The following AFF4 variants were observed in gnomAD, a reference collection of about 807,000 sequenced individuals.
AFF4 encodes AF4/FMR2 family member 4.
Under a neutral mutation model 124.8 loss-of-function variants are expected in AFF4, and 13 were observed. The observed-to-expected ratio is 0.10, with a 90% confidence interval of 0.07 to 0.17. The LOEUF (loss-of-function observed/expected upper bound fraction) is 0.17, where lower values mean the gene tolerates loss of function less well. AFF4 is among the 10% of genes least tolerant of loss of function. The pLI is 1.00. For missense variants in AFF4, 1,092 were observed against 1,403.8 expected (o/e 0.78, Z 3.55); for synonymous variants, 477 against 496.1 (o/e 0.96, Z 0.51).
At chr5:132,930,959 T>TAAAC (rs1761285186) in intron 4 of AFF4, among the ~76,000 whole-genome samples, 9 of 136,648 alleles carry the variant, frequency 6.6e-5, no homozygotes, top group Non-Finnish European at 7.8e-5. Context: ...AAAAAAAAAT[T>TAAAC]AGCCAGGCAT....
At chr5:132,960,194 G>A (rs1762052383) in intron 1 of AFF4, among the ~76,000 whole-genome samples, 1 of 152,136 alleles carries the variant, frequency 6.6e-6, no homozygotes, top group Non-Finnish European at 1.5e-5. Flanking sequence ...AAATAGAATT[G>A]TTCCAACTTA....
At chr5:132,899,470 C>A in intron 8 of AFF4, 117 bp downstream of exon 8, 1 of 943,228 alleles carries the variant, frequency 1.1e-6, no homozygotes, top group Non-Finnish European at 1.5e-6. Context: ...ATTTCAGTGT[C>A]AGAAAGCTTA....
chr5:132,913,552 T>C (rs1271900320), intron 5 of AFF4, among the ~76,000 whole-genome samples: 1 of 152,152 alleles, frequency 6.6e-6, no homozygotes, highest in African/African-American at 2.4e-5. Flanking sequence ...CAGGCAATCC[T>C]CTTGTTTCAG....
chr5:132,918,263 C>G (rs961771624), intron 5 of AFF4, among the ~76,000 whole-genome samples: 1 of 151,904 alleles, frequency 6.6e-6, no homozygotes, highest in East Asian at 1.9e-4. Flanking sequence ...TGTGGTGGCA[C>G]TGGTCTGTAA....
Position 132,896,544 on chromosome 5 carries a change from T to C in AFF4, c.2086A>G (p.Met696Val), listed in dbSNP as rs755637887. The C allele has an allele frequency of 2.2e-5, 35 of 1,614,028 alleles. No homozygotes were observed. Among genetic ancestry groups the C allele is most frequent in the East Asian group, 1.8e-4 (8 of 44,884 alleles). The change falls in exon 11 of 21, where the codon ATG becomes GTG. Residue 696 changes from methionine (M) to valine (V), a missense_variant. By Grantham distance (21) the Met-to-Val change is conservative. Coordinates refer to ENST00000265343, the MANE Select transcript of AFF4 (RefSeq NM_014423.4). The part of the protein sequence containing the change: ...SFFRQRMFSP[M>V]EEKELLSPLS... ...GGTGAAAGAAGTTCCTTCTCTTCCA[T>C]AGGAGAGAACATTCGTTGCCGAAAA...
chr5:132,934,945 C>T lies in AFF4; in HGVS notation c.124-4G>A. ...ATAACTTATCTTCTTTGCTAGTCTACAAAAAAATAAAATAAAATAAAATTA... is the reference window on the plus strand; with the variant it reads ...ATAACTTATCTTCTTTGCTAGTCTATAAAAAAATAAAATAAAATAAAATTA... On this transcript the variant is annotated splice_polypyrimidine_tract_variant and splice_region_variant and intron_variant, in intron 2 of 20. Transcript: ENST00000265343. 3 of 1,501,520 alleles carry T rather than the reference C, an allele frequency of 2.0e-6. No homozygotes were observed. The highest frequency in any genetic ancestry group is 2.7e-6 in the Non-Finnish European group (3 of 1,121,488). The allele number at this position is 1,501,520 out of a possible 1,614,324, so 93.0% of individuals were successfully genotyped here.
chr5:132,908,448 C>T (rs1028433595), intron 5 of AFF4, among the ~76,000 whole-genome samples: 5 of 152,096 alleles, frequency 3.3e-5, no homozygotes, highest in African/African-American at 1.2e-4. Flanking sequence ...AACAAAATTT[C>T]AGTCCTATAC....
chr5:132,887,559 T>C lies in AFF4; in HGVS notation c.2967A>G (p.Pro989=), dbSNP rs1436772204. Residue 989 remains proline, a synonymous_variant, in exon 17 of 21, where the codon CCA becomes CCG. Transcript: ENST00000265343. ...GTCGTTTATCTGCAGCTGTAGCATC[T>C]GGTGCCAAGTAATTCTTTAGCTTCA... is the stretch of plus-strand genomic sequence containing the variant. ...YTMKLKNYLA[P]DATAADKRLT... is the part of the protein sequence containing the mutation. The C allele has an allele frequency of 6.2e-7, 1 of 1,614,050 alleles. No individual in the cohort carries two copies. The highest frequency in any genetic ancestry group is 8.5e-7 in the Non-Finnish European group (1 of 1,179,898).
At chr5:132,916,853 G>A (rs951253565) in intron 5 of AFF4, among the ~76,000 whole-genome samples, 2 of 152,034 alleles carry the variant, frequency 1.3e-5, no homozygotes, top group Non-Finnish European at 2.9e-5. Context: ...AATACATCAT[G>A]ACCAAGTAGA....
intron 5 of AFF4, chr5:132,926,271 T>C (rs770611862): frequency 6.7e-6 from 3 of 449,796 alleles, no homozygotes; most frequent in Middle Eastern, 3.5e-4. Context: ...AAGGCTATTA[T>C]TAGGGGGACT....
At chr5:132,930,586 T>C (rs746291440) in intron 4 of AFF4, among the ~76,000 whole-genome samples, 1 of 151,638 alleles carries the variant, frequency 6.6e-6, no homozygotes, top group Non-Finnish European at 1.5e-5. Context: ...AAGCAACCAA[T>C]GCAGGTAGTC....
rs374444704 is a variant in AFF4 at position 132,892,310 on chromosome 5, G to A, written c.2491C>T (p.Arg831Trp). The A allele has an allele frequency of 2.0e-5, 32 of 1,613,966 alleles. No individual in the cohort carries two copies. The highest frequency in any genetic ancestry group is 1.6e-4 in the Middle Eastern group (1 of 6,080). The change falls in exon 13 of 21, where the codon CGG becomes TGG. Residue 831 changes from arginine (R) to tryptophan (W), a missense_variant. Arg to Trp is a moderately radical substitution (Grantham distance 101). Coordinates refer to ENST00000265343, the MANE Select transcript of AFF4 (RefSeq NM_014423.4). ...GAAGACTGACTAATAGTCCTCTTCC[G>A]AGAGCCATGCTCTGTTTTTGGATCT... is the stretch of plus-strand genomic sequence containing the variant. ...SKDPKTEHGS[R>W]KRTISQSSSL...
At chr5:132,948,655 C>T in intron 1 of AFF4, 1 of 180,824 alleles carries the variant, frequency 5.5e-6, no homozygotes, top group South Asian at 1.3e-4. Flanking sequence ...CCCAATGCAA[C>T]CCTCTCTATA....
rs78391459 is a variant in AFF4, at chr5:132,888,420, G to A, written c.2733-260C>T. ...AAATACTAAGTTACTCAAGTTGATTGTAAGATTAAGCATAAATAAAATGTG... is the reference window on the plus strand; with the variant it reads ...AAATACTAAGTTACTCAAGTTGATTATAAGATTAAGCATAAATAAAATGTG... On this transcript the variant is annotated intron_variant, in intron 14 of 20. Coordinates refer to ENST00000265343, the MANE Select transcript of AFF4 (RefSeq NM_014423.4). Among the ~76,000 whole-genome samples the A allele has an allele frequency of 9.3e-3, 1,412 of 152,114 alleles. 18 individuals are homozygous for A. The highest frequency in any genetic ancestry group is 0.029 in the African/African-American group (1,206 of 41,494).
At chr5:132,915,164 AC>A (rs1760879512) in intron 5 of AFF4, among the ~76,000 whole-genome samples, 1 of 152,040 alleles carries the variant, frequency 6.6e-6, no homozygotes, top group African/African-American at 2.4e-5. Flanking sequence ...ACACAGTGAA[AC>A]CCTGTCTCTA....
At chr5:132,886,047 C>A (rs1262267590) in intron 18 of AFF4, among the ~76,000 whole-genome samples, 1 of 152,194 alleles carries the variant, frequency 6.6e-6, no homozygotes, top group Non-Finnish European at 1.5e-5. Flanking sequence ...GCTGAGATTA[C>A]AGGCGTGAGC....
chr5:132,901,465 C>T (rs1760550000), intron 7 of AFF4, among the ~76,000 whole-genome samples: 2 of 152,172 alleles, frequency 1.3e-5, no homozygotes, highest in African/African-American at 4.8e-5. Context: ...TAGTCTGTGA[C>T]TATGGCATAG....
chr5:132,960,084 A>C (rs928398414), intron 1 of AFF4, among the ~76,000 whole-genome samples: 1 of 152,122 alleles, frequency 6.6e-6, no homozygotes, highest in East Asian at 1.9e-4. Context: ...AACCAAAGGA[A>C]AAAGCAGCAA....
intron 4 of AFF4, among the ~76,000 whole-genome samples, chr5:132,928,228 A>C (rs553367071): frequency 1.3e-5 from 2 of 152,218 alleles, no homozygotes; most frequent in South Asian, 4.1e-4. Context: ...AAAAAAAACA[A>C]AAAAACAAAC....
Sources: gnomAD v4.1 joint callset for allele counts (sites outside exome capture counted in the v4.1 genomes callset) on GRCh38, gnomAD v4.1.1 for gene constraint, MANE v1.5 for transcripts, NCBI Gene and HGNC (gene_info 2026-07-23, HGNC 2026-07-21) for gene names.